Variants in DMD observed in about 807,000 individuals in gnomAD.
DMD encodes the protein dystrophin.
In DMD, 63 loss-of-function variants were observed where a neutral mutation model predicts 330.1. That is an observed-to-expected ratio of 0.19 (90% confidence interval 0.16 to 0.24). DMD has a LOEUF of 0.24. DMD is among the 10% of genes least tolerant of loss of function. The pLI is 1.00. For synonymous variants in DMD, 1,223 were observed against 959.8 expected, an observed-to-expected ratio of 1.27 and a Z score of -5.07; for missense variants, 3,344 against 2,684.1, an observed-to-expected ratio of 1.25 and a Z score of -5.43.
chrX:31,522,363 C>CTATATA lies in DMD; in HGVS notation c.8218-14916_8218-14911dup, dbSNP rs1556678891. ...TCTCTCTCTCTCTCTCTCTCTCTCT[C>CTATATA]TATATATATATATATATATATATAG... is the stretch of plus-strand genomic sequence containing the variant. On this transcript the variant is annotated intron_variant, in intron 55 of 78. Coordinates refer to ENST00000357033, the MANE Select transcript of DMD (RefSeq NM_004006.3). Among the ~76,000 whole-genome samples the CTATATA allele has an allele frequency of 4.7e-3, 170 of 35,942 alleles. 12 individuals are homozygous for CTATATA. Among genetic ancestry groups the CTATATA allele is most frequent in the African/African-American group, 0.02 (108 of 5,281 alleles). The allele number at this position is 35,942 out of a possible 115,157, so 31.2% of individuals were successfully genotyped here.
intron 62 of DMD, among the ~76,000 whole-genome samples, chrX:31,277,618 A>G (rs1225452537): frequency 9.0e-6 from 1 of 111,169 alleles, no homozygotes; most frequent in Non-Finnish European, 1.9e-5. Flanking sequence ...GCCCCTCGAC[A>G]TAAGCCAGGA....
intron 57 of DMD, among the ~76,000 whole-genome samples, chrX:31,480,497 T>G (rs956192932): frequency 2.7e-5 from 3 of 110,387 alleles, no homozygotes; most frequent in African/African-American, 9.9e-5. Flanking sequence ...CGTGAGTTAT[T>G]TACTCTGCTT....
At chrX:32,580,335 T>C (rs1390994663) in intron 13 of DMD, among the ~76,000 whole-genome samples, 1 of 112,334 alleles carries the variant, frequency 8.9e-6, no homozygotes, top group Non-Finnish European at 1.9e-5. Context: ...ACTTTTGTCT[T>C]AGAACCATCT....
At chrX:32,545,478 C>A (rs1019715728) in intron 16 of DMD, 144 bp from the exon 17 acceptor site, 2 of 561,568 alleles carry the variant, frequency 3.6e-6, no homozygotes, top group African/African-American at 4.6e-5. Flanking sequence ...CATATTGAAG[C>A]CAAATAAAAT....
In DMD at chrX:32,368,134, T is replaced by A. The variant is rs186840310; in HGVS notation, c.4846-2935A>T. 3.6e-3 allele frequency among the ~76,000 whole-genome samples: 400 copies of A among 111,708 alleles called. 2 individuals are homozygous for A. Among genetic ancestry groups the A allele is most frequent in the African/African-American group, 0.013 (393 of 30,813 alleles). On this transcript the variant is annotated intron_variant, in intron 34 of 78. Coordinates refer to ENST00000357033, the MANE Select transcript of DMD (RefSeq NM_004006.3). ...TAAATACTATGCTGAGCTTGCTTTC[T>A]GGAGATCTGAAATACTAATTGACCA...
chrX:32,456,483 CT>C (rs1294313298), intron 25 of DMD, among the ~76,000 whole-genome samples: 1 of 110,716 alleles, frequency 9.0e-6, no homozygotes, highest in African/African-American at 3.3e-5. Context: ...CTGTTATAAT[CT>C]TTTAAGGCAG....
At chrX:31,186,736 A>C (rs1173945473) in intron 67 of DMD, among the ~76,000 whole-genome samples, 1 of 112,653 alleles carries the variant, frequency 8.9e-6, no homozygotes, top group East Asian at 2.8e-4. Context: ...AAAGTTTATA[A>C]AGAATTATGC....
At chrX:31,262,735 G>A (rs966140518) in intron 62 of DMD, among the ~76,000 whole-genome samples, 4 of 112,417 alleles carry the variant, frequency 3.6e-5, no homozygotes, top group African/African-American at 1.3e-4. Context: ...ATGCTTTAAG[G>A]GGTTTTAGGA....
chrX:32,620,936 C>T (rs763951642), intron 11 of DMD, among the ~76,000 whole-genome samples: 2 of 111,716 alleles, frequency 1.8e-5, no homozygotes, highest in South Asian at 7.6e-4. Flanking sequence ...AAAATTCATT[C>T]ATTAATTTAC....
intron 7 of DMD, among the ~76,000 whole-genome samples, chrX:32,726,888 C>G (rs1159049440): frequency 9.1e-6 from 1 of 109,901 alleles, no homozygotes; most frequent in Admixed American, 9.8e-5. Flanking sequence ...CTAGGCCTAA[C>G]GTTTACTAGA....
intron 44 of DMD, among the ~76,000 whole-genome samples, chrX:32,138,043 A>G (rs1311553022): frequency 9.1e-6 from 1 of 109,610 alleles, no homozygotes; most frequent in Non-Finnish European, 1.9e-5. Flanking sequence ...ATGAGGGACT[A>G]AAGTCCTGCT....
chrX:33,108,868 G>GGAAAAAAAAAAAAAAAAAAAAAAAAAA (rs2095315156), intron 1 of DMD, among the ~76,000 whole-genome samples: 1 of 24,230 alleles, frequency 4.1e-5, no homozygotes, highest in Non-Finnish European at 9.3e-5. Context: ...CTCCGTTTCG[G>GGAAAAAAAAAAAAAAAAAAAAAAAAAA]AAAAAAAAAA....
At chrX:31,951,177 A>ATGTG (rs1256121188) in intron 45 of DMD, among the ~76,000 whole-genome samples, 12 of 90,429 alleles carry the variant, frequency 1.3e-4, no homozygotes, top group African/African-American at 4.4e-4. Context: ...ATATATATGT[A>ATGTG]TATATATATA....
intron 7 of DMD, among the ~76,000 whole-genome samples, chrX:32,704,911 G>T (rs924656200): frequency 8.9e-6 from 1 of 112,220 alleles, no homozygotes; most frequent in Non-Finnish European, 1.9e-5. Flanking sequence ...AGTGCTGGAA[G>T]TAAAGTGGAT....
intron 55 of DMD, among the ~76,000 whole-genome samples, chrX:31,559,269 T>C (rs933488636): frequency 2.7e-5 from 3 of 111,372 alleles, no homozygotes; most frequent in Non-Finnish European, 3.8e-5. Flanking sequence ...CTCTAGCTAT[T>C]GCCTCATTTC....
At chrX:32,674,598 T>G (rs887082652) in intron 9 of DMD, among the ~76,000 whole-genome samples, 6 of 111,374 alleles carry the variant, frequency 5.4e-5, no homozygotes, top group African/African-American at 2.0e-4. Flanking sequence ...GGGATACTGC[T>G]ATGTACTTTG....
chrX:31,839,683 T>C (rs982152302), intron 48 of DMD, among the ~76,000 whole-genome samples: 6 of 112,059 alleles, frequency 5.4e-5, no homozygotes, highest in Admixed American at 9.5e-5. Context: ...TAAACTAAAA[T>C]TCCATTTATC....
At chrX:31,458,279 G>A (rs2078915389) in intron 59 of DMD, among the ~76,000 whole-genome samples, 2 of 110,457 alleles carry the variant, frequency 1.8e-5, no homozygotes, top group South Asian at 7.8e-4. Flanking sequence ...TGAGTCAAGA[G>A]TTTATTCAGT....
intron 55 of DMD, among the ~76,000 whole-genome samples, chrX:31,622,869 T>TACAC (rs1425803549): frequency 4.6e-5 from 4 of 86,560 alleles, no homozygotes; most frequent in African/African-American, 1.7e-4. Context: ...TATATATATA[T>TACAC]ATATATATAC....
Sources: allele counts gnomAD v4.1 joint callset (sites outside exome capture counted in the v4.1 genomes callset), GRCh38; gene constraint gnomAD v4.1.1; transcripts MANE v1.5; gene names NCBI Gene and HGNC (gene_info 2026-07-23, HGNC 2026-07-21).